SLC2A13: variants seen among roughly 807,000 people sequenced by gnomAD.
The protein encoded by SLC2A13 is proton myo-inositol cotransporter.
In SLC2A13, 32 loss-of-function variants were observed where a neutral mutation model predicts 64.4. The ratio of observed to expected loss-of-function variants is 0.50; its 90% CI spans 0.37 to 0.67. The LOEUF is 0.67. Ranked by LOEUF, SLC2A13 falls within the 30% of genes least tolerant of loss-of-function variation. The pLI is 0.00. For synonymous variants in SLC2A13, 338 were observed against 327.1 expected, an observed-to-expected ratio of 1.03 and a Z score of -0.36; for missense variants, 743 against 829.2, an observed-to-expected ratio of 0.90 and a Z score of 1.28.
At chr12:39,975,731 T>C (rs1203011592) in intron 3 of SLC2A13, among the ~76,000 whole-genome samples, 1 of 152,250 alleles carries the variant, frequency 6.6e-6, no homozygotes, top group South Asian at 2.1e-4. Flanking sequence ...AGATGACTCA[T>C]GCACAAAACA....
intron 6 of SLC2A13, chr12:39,830,612 C>A: frequency 2.8e-6 from 1 of 352,820 alleles, no homozygotes; most frequent in Non-Finnish European, 4.0e-6. Flanking sequence ...TGCATCAAAG[C>A]ATTCATTTCT....
chr12:39,896,412 G>GCA (rs1565528331), intron 4 of SLC2A13, among the ~76,000 whole-genome samples: 6 of 132,356 alleles, frequency 4.5e-5, no homozygotes, highest in African/African-American at 1.6e-4. Flanking sequence ...ATACATATAT[G>GCA]TATGTATATG....
At chr12:39,803,406 C>T (rs1941868750) in intron 7 of SLC2A13, among the ~76,000 whole-genome samples, 1 of 152,070 alleles carries the variant, frequency 6.6e-6, no homozygotes, top group Non-Finnish European at 1.5e-5. Flanking sequence ...GCACATTAAA[C>T]TTTAGACCAT....
chr12:40,077,929 C>A (rs975088882), intron 1 of SLC2A13, among the ~76,000 whole-genome samples: 1 of 152,060 alleles, frequency 6.6e-6, no homozygotes, highest in Non-Finnish European at 1.5e-5. Context: ...AATGGGATTG[C>A]ATTCTTGATT....
intron 6 of SLC2A13, chr12:39,835,879 G>A (rs866655002): frequency 6.6e-6 from 1 of 152,090 alleles, no homozygotes. Flanking sequence ...TTTTCAGAAT[G>A]AAATAAAAAG....
In SLC2A13 at chr12:39,856,029, C is replaced by T. The variant is rs545669553; in HGVS notation, c.1319+8733G>A. Reference sequence around the variant, plus strand: ...CATGCCCATAGAAGGTATTGCTAATCATGCTGTAGCCATGAGTAGAAGTAA... The same window carrying T: ...CATGCCCATAGAAGGTATTGCTAATTATGCTGTAGCCATGAGTAGAAGTAA... On this transcript the variant is annotated intron_variant, in intron 6 of 9. Transcript: ENST00000280871. Among the ~76,000 whole-genome samples, 4 of 152,316 alleles carry T rather than the reference C, an allele frequency of 2.6e-5. No homozygotes were observed. In the South Asian group the frequency reaches 8.3e-4, roughly 32 times the overall value.
At chr12:39,981,301 A>G (rs1227906338) in intron 3 of SLC2A13, among the ~76,000 whole-genome samples, 2 of 151,772 alleles carry the variant, frequency 1.3e-5, no homozygotes, top group East Asian at 3.9e-4. Flanking sequence ...AAAAGCTAGC[A>G]GAAGGCAAGA....
intron 1 of SLC2A13, among the ~76,000 whole-genome samples, chr12:40,078,022 A>G (rs1938245919): frequency 1.3e-5 from 2 of 152,142 alleles, no homozygotes; most frequent in African/African-American, 4.8e-5. Flanking sequence ...ACTTTGCTGA[A>G]GTTGTTTATC....
At chr12:39,938,931 A>G (rs530059884) in intron 4 of SLC2A13, among the ~76,000 whole-genome samples, 8 of 152,140 alleles carry the variant, frequency 5.3e-5, no homozygotes, top group Admixed American at 2.0e-4. Context: ...ACTTGTCTAC[A>G]TGACAGCTCT....
intron 1 of SLC2A13, among the ~76,000 whole-genome samples, chr12:40,100,191 A>G (rs17442490): frequency 2.0e-5 from 3 of 152,340 alleles, no homozygotes; most frequent in Non-Finnish European, 4.4e-5. Flanking sequence ...GTTCAAGTAG[A>G]GGGAGTCCGG....
At chr12:39,846,816 G>A (rs970828123) in intron 6 of SLC2A13, among the ~76,000 whole-genome samples, 1 of 152,110 alleles carries the variant, frequency 6.6e-6, no homozygotes, top group African/African-American at 2.4e-5. Flanking sequence ...ATCTATCTCA[G>A]TCTTTCTGAA....
At chr12:39,994,329 G>C (rs577972787) in intron 3 of SLC2A13, among the ~76,000 whole-genome samples, 2 of 149,914 alleles carry the variant, frequency 1.3e-5, no homozygotes, top group South Asian at 4.2e-4. Context: ...CTTGCAGTGA[G>C]CCGAGATTGT....
intron 9 of SLC2A13, among the ~76,000 whole-genome samples, chr12:39,761,972 G>C (rs192420434): frequency 6.6e-6 from 1 of 152,174 alleles, no homozygotes; most frequent in African/African-American, 2.4e-5. Flanking sequence ...AAAAACATTT[G>C]TTGGGTTAGG....
At chr12:39,852,677 G>A (rs186499751) in intron 6 of SLC2A13, among the ~76,000 whole-genome samples, 31 of 152,230 alleles carry the variant, frequency 2.0e-4, no homozygotes, top group Admixed American at 1.3e-3. Context: ...AACTTTCCAC[G>A]CTCAAGGAAC....
At chr12:39,989,831 C>G (rs1234693503) in intron 3 of SLC2A13, among the ~76,000 whole-genome samples, 3 of 152,060 alleles carry the variant, frequency 2.0e-5, no homozygotes, top group African/African-American at 7.2e-5. Flanking sequence ...TTTGGGTAAA[C>G]AAAAAGAAAA....
intron 1 of SLC2A13, among the ~76,000 whole-genome samples, chr12:40,103,283 T>C (rs1263077233): frequency 6.6e-6 from 1 of 152,212 alleles, no homozygotes; most frequent in East Asian, 1.9e-4. Context: ...AGAACGTCCT[T>C]TCCTCGTTTC....
intron 1 of SLC2A13, among the ~76,000 whole-genome samples, chr12:40,050,412 T>C (rs1221517318): frequency 1.3e-5 from 2 of 152,136 alleles, no homozygotes; most frequent in African/African-American, 2.4e-5. Flanking sequence ...TAAAGTTCGA[T>C]TATTTAAAAC....
At chr12:39,951,161 A>T in intron 4 of SLC2A13, 96 bp downstream of exon 4, 2 of 1,039,970 alleles carry the variant, frequency 1.9e-6, no homozygotes, top group East Asian at 5.2e-5. Flanking sequence ...AGAACAAATC[A>T]CTGAGTCTAG....
intron 4 of SLC2A13, among the ~76,000 whole-genome samples, chr12:39,901,669 A>G (rs1375375642): frequency 1.6e-5 from 2 of 126,974 alleles, no homozygotes; most frequent in Admixed American, 8.5e-5. Context: ...TTAGAATGGC[A>G]ATCATTAAAA....
Sources: gnomAD v4.1 joint callset for allele counts (sites outside exome capture counted in the v4.1 genomes callset) on GRCh38, gnomAD v4.1.1 for gene constraint, MANE v1.5 for transcripts, NCBI Gene and HGNC (gene_info 2026-07-23, HGNC 2026-07-21) for gene names.